LRRC8E: variants seen among roughly 807,000 people sequenced by gnomAD.
LRRC8E encodes volume-regulated anion channel subunit LRRC8E.
LRRC8E carries 6 observed loss-of-function variants against 6.1 expected under a neutral mutation model. That is an observed-to-expected ratio of 0.98 (90% confidence interval 0.54 to 1.93). The LOEUF is 1.93. LRRC8E is among the 30% of genes most tolerant of loss of function. The probability of loss-of-function intolerance (pLI) is 0.01; values close to 1 mark genes in which losing one functional copy is unlikely to be tolerated. For missense variants in LRRC8E, 1,028 were observed against 1,031.4 expected (o/e 1.00, Z 0.04); for synonymous variants, 485 against 472.8 (o/e 1.03, Z -0.33).
intron 2 of LRRC8E, among the ~76,000 whole-genome samples, chr19:7,897,880 G>A (rs140843708): frequency 0.011 from 1,738 of 152,020 alleles, 13 homozygotes; most frequent in Non-Finnish European, 0.016. Context: ...CATCTTTTGT[G>A]GGGACACGAT....
chr19:7,892,082 T>G (rs1445890281), intron 1 of LRRC8E, among the ~76,000 whole-genome samples: 2 of 151,398 alleles, frequency 1.3e-5, no homozygotes, highest in Non-Finnish European at 2.9e-5. Context: ...AGATTTTTTT[T>G]TTTTTTTTGA....
rs1208484229 is a variant in LRRC8E at position 7,900,648 on chromosome 19, A to G, written c.2126A>G (p.Asn709Ser). Residue 709 changes from asparagine to serine, a missense_variant, in exon 3 of 3, where the codon AAT (asparagine) becomes AGT (serine). Transcript: ENST00000306708. This position sits in a 1 kb window ranked among gnomAD's most constrained non-coding sequence, Gnocchi z 5.0. ...CTACAGCACCTGGCCCTCTCCTACA[A>G]TGCCCTGGAGGCCCTGCCCGAAGAG... ...QNLQHLALSY[N>S]ALEALPEELF... is the part of the protein sequence containing the mutation. 3 of 1,613,344 alleles carry G rather than the reference A, an allele frequency of 1.9e-6. No individual in the cohort carries two copies. Among genetic ancestry groups the G allele is most frequent in the Admixed American group, 1.7e-5 (1 of 60,022 alleles).
At chr19:7,890,305 G>A (rs560212828) in intron 1 of LRRC8E, among the ~76,000 whole-genome samples, 8 of 151,920 alleles carry the variant, frequency 5.3e-5, no homozygotes, top group African/African-American at 1.9e-4. Context: ...GAGCCACATG[G>A]TCTCAGGCTG....
In LRRC8E at chr19:7,895,361, G is replaced by A; in HGVS notation, c.-5-238G>A. 1 of 528,946 alleles carries A rather than the reference G, an allele frequency of 1.9e-6. No homozygotes were observed. The allele number at this position is 528,946 out of a possible 1,614,324, so 32.8% of individuals were successfully genotyped here. A position where few individuals can be genotyped will look rare whatever the true frequency, so the allele number is the denominator to read the frequency against. On this transcript the variant is annotated intron_variant, in intron 1 of 2. Coordinates refer to ENST00000306708, the MANE Select transcript of LRRC8E (RefSeq NM_025061.6). This position sits in a 1 kb window ranked among gnomAD's most constrained non-coding sequence, Gnocchi z 4.7. ...CGAGGTCAGACAAGTCAGATCAGGT[G>A]CAGGGGTGCCCAGAGGGGAACAGTG...
chr19:7,891,196 G>A (rs1981289531), intron 1 of LRRC8E, among the ~76,000 whole-genome samples: 1 of 152,174 alleles, frequency 6.6e-6, no homozygotes, highest in African/African-American at 2.4e-5. Flanking sequence ...GATAAAATGA[G>A]GCATTCAGTG....
In LRRC8E at chr19:7,899,676, T is replaced by G. The variant is rs750373695; in HGVS notation, c.1154T>G (p.Leu385Arg). 1 of 1,613,714 alleles carries G rather than the reference T, an allele frequency of 6.2e-7. No homozygotes were observed. The highest frequency in any genetic ancestry group is 8.5e-7 in the Non-Finnish European group (1 of 1,180,034). Residue 385 changes from leucine to arginine, a missense_variant, in exon 3 of 3, where the codon CTG (leucine) becomes CGG (arginine). Physicochemically the swap from Leu to Arg is moderately radical, Grantham distance 102. Coordinates refer to ENST00000306708, the MANE Select transcript of LRRC8E (RefSeq NM_025061.6). ...SLYSKRFAVF[L>R]SEVSESRLKQ... Reference sequence around the variant, plus strand: ...TACTCCAAGCGCTTCGCCGTCTTCCTGTCCGAGGTCAGCGAAAGCCGTCTA... The same window carrying G: ...TACTCCAAGCGCTTCGCCGTCTTCCGGTCCGAGGTCAGCGAAAGCCGTCTA...
In LRRC8E at chr19:7,898,725, C is replaced by A. The variant is rs774699687; in HGVS notation, c.203C>A (p.Pro68Gln). The A allele has an allele frequency of 1.2e-6, 2 of 1,613,812 alleles. No homozygotes were observed. The highest frequency in any genetic ancestry group is 2.2e-5 in the East Asian group (1 of 44,888). Residue 68 changes from proline to glutamine, a missense_variant, in exon 3 of 3, where the codon CCG becomes CAG. Pro to Gln is a moderately conservative substitution (Grantham distance 76). Transcript: ENST00000306708. ...HELQENLSEA[P>Q]CQQLLPRGIP... is the part of the protein sequence containing the mutation. ...CTCCAGGAGAACTTATCAGAGGCCCCGTGCCAGCAATTGCTGCCTCGGGGG... is the reference window on the plus strand; with the variant it reads ...CTCCAGGAGAACTTATCAGAGGCCCAGTGCCAGCAATTGCTGCCTCGGGGG...
In LRRC8E at chr19:7,900,840, C is replaced by T. The variant is rs766767421; in HGVS notation, c.2318C>T (p.Ala773Val). The change falls in exon 3 of 3, where the codon GCG becomes GTG. Residue 773 changes from alanine (A) to valine (V), a missense_variant. By Grantham distance (64) the Ala-to-Val change is moderately conservative. Coordinates refer to ENST00000306708, the MANE Select transcript of LRRC8E (RefSeq NM_025061.6). This position sits in a 1 kb window ranked among gnomAD's most constrained non-coding sequence, Gnocchi z 5.0. Reference sequence around the variant, plus strand: ...GGCAACTGTGGGGGGCTCAAGAAGGCGGGGCTCCTGGTGGAAGACACGCTT... The same window carrying T: ...GGCAACTGTGGGGGGCTCAAGAAGGTGGGGCTCCTGGTGGAAGACACGCTT... ...ELGNCGGLKK[A>V]GLLVEDTLYQ... 26 of 1,567,396 alleles carry T rather than the reference C, an allele frequency of 1.7e-5. No individual in the cohort carries two copies. The highest frequency in any genetic ancestry group is 9.5e-5 in the Admixed American group (5 of 52,596).
Position 7,898,724 on chromosome 19 carries a change from C to G in LRRC8E, c.202C>G (p.Pro68Ala). 2 of 1,613,958 alleles carry G rather than the reference C, an allele frequency of 1.2e-6. No individual in the cohort carries two copies. The highest frequency in any genetic ancestry group is 1.7e-6 in the Non-Finnish European group (2 of 1,179,940). The change falls in exon 3 of 3, where the codon CCG (proline) becomes GCG (alanine). Residue 68 changes from proline to alanine, a missense_variant. Coordinates refer to ENST00000306708, the MANE Select transcript of LRRC8E (RefSeq NM_025061.6). ...GCTCCAGGAGAACTTATCAGAGGCCCCGTGCCAGCAATTGCTGCCTCGGGG... is the reference window on the plus strand; with the variant it reads ...GCTCCAGGAGAACTTATCAGAGGCCGCGTGCCAGCAATTGCTGCCTCGGGG... Reference protein sequence around the residue: ...HELQENLSEAPCQQLLPRGIP... With the variant: ...HELQENLSEAACQQLLPRGIP...
At chr19:7,889,898 T>C (rs1384238681) in intron 1 of LRRC8E, among the ~76,000 whole-genome samples, 1 of 151,892 alleles carries the variant, frequency 6.6e-6, no homozygotes, top group Non-Finnish European at 1.5e-5. Flanking sequence ...TACAAGCATG[T>C]GGCACCATAC....
Position 7,899,920 on chromosome 19 carries a change from C to T in LRRC8E, c.1398C>T (p.Ser466=), listed in dbSNP as rs770888756. 146 of 1,608,288 alleles carry T rather than the reference C, an allele frequency of 9.1e-5. No homozygotes were observed. In the East Asian group the frequency reaches 2.9e-3, roughly 32 times the overall value. Residue 466 remains serine, a synonymous_variant, in exon 3 of 3, where the codon AGC becomes AGT. Coordinates refer to ENST00000306708, the MANE Select transcript of LRRC8E (RefSeq NM_025061.6). ...LSQLVHLQEL[S]LLHSPARLPF... The stretch of plus-strand genomic sequence containing the variant: ...AGCTGGTGCACTTGCAGGAGCTCAG[C>T]TTGCTCCACTCGCCCGCCAGGCTAC...
intron 1 of LRRC8E, among the ~76,000 whole-genome samples, chr19:7,894,673 A>T (rs1224813662): frequency 6.6e-6 from 1 of 152,036 alleles, no homozygotes; most frequent in Non-Finnish European, 1.5e-5. Flanking sequence ...TGCCTGGGAG[A>T]GTGACATCTC....
chr19:7,897,763 A>G (rs745715332), intron 2 of LRRC8E, among the ~76,000 whole-genome samples: 54 of 151,640 alleles, frequency 3.6e-4, no homozygotes, highest in Non-Finnish European at 5.6e-4. Context: ...GGCCCACCCT[A>G]CTGGCTTTGT....
rs777592350 is a variant in LRRC8E at position 7,900,871 on chromosome 19, G to A, written c.2349G>A (p.Gln783=). 2.6e-6 allele frequency: 4 copies of A among 1,536,376 alleles called. No individual in the cohort carries two copies. In the South Asian group the frequency reaches 3.8e-5, roughly 15 times the overall value. ...TCCTGGTGGAAGACACGCTTTACCAGGGTCTGCCGGCAGAAGTGCGGGACA... is the reference window on the plus strand; with the variant it reads ...TCCTGGTGGAAGACACGCTTTACCAAGGTCTGCCGGCAGAAGTGCGGGACA... ...AGLLVEDTLY[Q]GLPAEVRDKM... The change falls in exon 3 of 3, where the codon CAG becomes CAA. Residue 783 remains glutamine (Q), a synonymous_variant. Transcript: ENST00000306708. This position sits in a 1 kb window ranked among gnomAD's most constrained non-coding sequence, Gnocchi z 5.0.
intron 2 of LRRC8E, among the ~76,000 whole-genome samples, chr19:7,897,491 T>G (rs1389688715): frequency 6.6e-6 from 1 of 150,710 alleles, no homozygotes; most frequent in Non-Finnish European, 1.5e-5. Context: ...ACAGTTTTTT[T>G]TTTTTTTTTT....
chr19:7,901,004 G>C lies in LRRC8E; in HGVS notation c.*91G>C. 1.4e-6 allele frequency: 1 copy of C among 734,580 alleles called. No homozygotes were observed. Among genetic ancestry groups the C allele is most frequent in the Non-Finnish European group, 2.0e-6 (1 of 491,212 alleles). 45.5% of individuals were successfully genotyped at this position (734,580 alleles called of 1,614,324 possible). ...TCTTCCAAGATAGGAAGCCAAGTGGGTCCAGGCCAGGAGATGGGGGGGGCG... is the reference window on the plus strand; with the variant it reads ...TCTTCCAAGATAGGAAGCCAAGTGGCTCCAGGCCAGGAGATGGGGGGGGCG... On this transcript the variant is annotated 3_prime_UTR_variant, in exon 3 of 3. Transcript: ENST00000306708.
rs377569191 is a variant in LRRC8E at position 7,895,397 on chromosome 19, T to C, written c.-5-202T>C. 2 of 604,802 alleles carry C rather than the reference T, an allele frequency of 3.3e-6. No homozygotes were observed. The highest frequency in any genetic ancestry group is 2.9e-6 in the Non-Finnish European group (1 of 343,862). 37.5% of individuals were successfully genotyped at this position (604,802 alleles called of 1,614,324 possible). On this transcript the variant is annotated intron_variant, in intron 1 of 2. Coordinates refer to ENST00000306708, the MANE Select transcript of LRRC8E (RefSeq NM_025061.6). The surrounding 1 kb of genome is among the most constrained non-coding windows in gnomAD (Gnocchi z 4.7). ...CAGAGGGGAACAGTGGCCGCTTGGT[T>C]CTGGGCAGGTGGTGACGTCTGCATG...
At chr19:7,894,736 AAT>A (rs1053150935) in intron 1 of LRRC8E, among the ~76,000 whole-genome samples, 12 of 152,196 alleles carry the variant, frequency 7.9e-5, no homozygotes, top group African/African-American at 2.9e-4. Flanking sequence ...CTGTATCTGT[AAT>A]AGTGATAGCT....
chr19:7,897,214 G>T lies in LRRC8E; in HGVS notation c.139-1447G>T, dbSNP rs200331165. 1.2e-3 allele frequency among the ~76,000 whole-genome samples: 180 copies of T among 149,756 alleles called. 3 individuals are homozygous for T. The East Asian group carries it at 0.029, about 24-fold the overall frequency. On this transcript the variant is annotated intron_variant, in intron 2 of 2. Coordinates refer to ENST00000306708, the MANE Select transcript of LRRC8E (RefSeq NM_025061.6). ...AGACAGAGTCTCCCTCTGTCGCCCA[G>T]GCTGGCATGCAGTGGTGCGATCTCG...
Sources: gnomAD v4.1 joint callset for allele counts (sites outside exome capture counted in the v4.1 genomes callset) on GRCh38, gnomAD v4.1.1 for gene constraint, Gnocchi (gnomAD v3.1) non-coding constraint, MANE v1.5 for transcripts, NCBI Gene and HGNC (gene_info 2026-07-23, HGNC 2026-07-21) for gene names.